The following BMPR1B variants were observed in gnomAD, a reference collection of about 807,000 sequenced individuals.
BMPR1B encodes bone morphogenetic protein receptor type-1B.
A neutral mutation model predicts 59.1 loss-of-function variants in BMPR1B; 12 were observed. The observed-to-expected ratio is 0.20, with a 90% confidence interval of 0.13 to 0.33. BMPR1B has a LOEUF of 0.33. Among genes scored for constraint, BMPR1B ranks in the 10% least tolerant of loss-of-function variants. The pLI, the probability that BMPR1B is intolerant of heterozygous loss-of-function variation, is 1.00. For missense variants in BMPR1B, 550 were observed against 610.9 expected, an observed-to-expected ratio of 0.90 and a Z score of 1.05; for synonymous variants, 237 against 207.3, an observed-to-expected ratio of 1.14 and a Z score of -1.23.
Position 95,105,398 on chromosome 4 carries a change from T to C in BMPR1B, c.143+831T>C, listed in dbSNP as rs113418392. Reference sequence around the variant, plus strand: ...TTAAATAGAAAGGTGGACTGCTAGGTTTAGAGCCCAGGTAGAATATCTGAG... The same window carrying C: ...TTAAATAGAAAGGTGGACTGCTAGGCTTAGAGCCCAGGTAGAATATCTGAG... On this transcript the variant is annotated intron_variant, in intron 4 of 12. Transcript: ENST00000515059. Among the ~76,000 whole-genome samples the C allele has an allele frequency of 1.2e-4, 18 of 152,036 alleles. 1 individual carries two copies. Among genetic ancestry groups the C allele is most frequent in the African/African-American group, 4.3e-4 (18 of 41,508 alleles).
At chr4:95,102,096 A>G (rs1161265187) in intron 3 of BMPR1B, among the ~76,000 whole-genome samples, 1 of 152,186 alleles carries the variant, frequency 6.6e-6, no homozygotes, top group Non-Finnish European at 1.5e-5. Flanking sequence ...CTAATCCTCT[A>G]GTGTTGTAAA....
intron 10 of BMPR1B, among the ~76,000 whole-genome samples, chr4:95,134,098 C>A (rs1733589793): frequency 6.6e-6 from 1 of 152,110 alleles, no homozygotes; most frequent in Non-Finnish European, 1.5e-5. Context: ...GTTCAATTCC[C>A]ACATATGAGT....
At chr4:95,141,982 G>A (rs1734262004) in intron 10 of BMPR1B, among the ~76,000 whole-genome samples, 1 of 152,046 alleles carries the variant, frequency 6.6e-6, no homozygotes, top group South Asian at 2.1e-4. Flanking sequence ...AAATTGATTT[G>A]GCTAAATGAC....
At chr4:95,117,270 C>T (rs1262410587) in intron 6 of BMPR1B, among the ~76,000 whole-genome samples, 1 of 152,144 alleles carries the variant, frequency 6.6e-6, no homozygotes, top group Non-Finnish European at 1.5e-5. Context: ...CTCACAGCAG[C>T]CCTGTGAAGT....
At chr4:95,134,837 C>CT (rs1250648470) in intron 10 of BMPR1B, among the ~76,000 whole-genome samples, 23 of 152,186 alleles carry the variant, frequency 1.5e-4, no homozygotes, top group Non-Finnish European at 2.8e-4. Context: ...ATGGTAGTTT[C>CT]TTTGCTGTGC....
intron 2 of BMPR1B, among the ~76,000 whole-genome samples, chr4:94,934,524 G>A (rs749481454): frequency 8.9e-5 from 12 of 134,414 alleles, no homozygotes; most frequent in South Asian, 2.6e-4. Flanking sequence ...ATAGTTAAGC[G>A]TTAGAAACTT....
At chr4:94,854,385 G>T (rs1376737806) in intron 1 of BMPR1B, among the ~76,000 whole-genome samples, 1 of 152,132 alleles carries the variant, frequency 6.6e-6, no homozygotes, top group Non-Finnish European at 1.5e-5. Flanking sequence ...GCACCACTAT[G>T]AACAGCATAT....
chr4:95,016,024 GACAA>G (rs758425802), intron 3 of BMPR1B, among the ~76,000 whole-genome samples: 49 of 152,296 alleles, frequency 3.2e-4, no homozygotes, highest in African/African-American at 1.2e-3. Flanking sequence ...ATGACAGACA[GACAA>G]ACTAACAATT....
chr4:95,104,472 G>A lies in BMPR1B; in HGVS notation c.48G>A (p.Glu16=). The part of the protein sequence containing the change: ...AGKLNVGTKK[E]DGESTAPTPR... ...AATTAAATGTGGGCACCAAGAAAGA[G>A]GATGGTGAGAGTACAGCCCCCACCC... The change falls in exon 4 of 13, where the codon GAG becomes GAA. Residue 16 remains glutamate, a synonymous_variant. Transcript: ENST00000515059. 4 of 1,613,442 alleles carry A rather than the reference G, an allele frequency of 2.5e-6. No homozygotes were observed. The highest frequency in any genetic ancestry group is 3.4e-6 in the Non-Finnish European group (4 of 1,179,640).
At chr4:94,995,348 A>G (rs1472197868) in intron 2 of BMPR1B, among the ~76,000 whole-genome samples, 1 of 150,820 alleles carries the variant, frequency 6.6e-6, no homozygotes, top group East Asian at 2.0e-4. Flanking sequence ...ATACTTTCCT[A>G]TACATTTCTG....
intron 1 of BMPR1B, among the ~76,000 whole-genome samples, chr4:94,847,447 A>T (rs1047964034): frequency 6.6e-6 from 1 of 152,216 alleles, no homozygotes; most frequent in African/African-American, 2.4e-5. Context: ...TTTACCCAAA[A>T]GAAAGGAAAT....
intron 11 of BMPR1B, among the ~76,000 whole-genome samples, chr4:95,149,298 A>G (rs1426854239): frequency 6.6e-6 from 1 of 151,556 alleles, no homozygotes; most frequent in East Asian, 1.9e-4. Context: ...CCCATCCCCA[A>G]CTCCATTCCC....
At chr4:94,997,117 A>G (rs1722113769) in intron 3 of BMPR1B, among the ~76,000 whole-genome samples, 1 of 152,198 alleles carries the variant, frequency 6.6e-6, no homozygotes, top group Non-Finnish European at 1.5e-5. Flanking sequence ...AGAGTTATCT[A>G]CTGACATAAT....
chr4:94,927,078 T>G (rs1383661515), intron 2 of BMPR1B, among the ~76,000 whole-genome samples: 1 of 152,186 alleles, frequency 6.6e-6, no homozygotes, highest in African/African-American at 2.4e-5. Context: ...TCAGATGATC[T>G]GGACACAACT....
rs536742557 is a variant in BMPR1B, at chr4:94,961,860, A to G, written c.-112-34180A>G. Among the ~76,000 whole-genome samples, 10 of 152,338 alleles carry G rather than the reference A, an allele frequency of 6.6e-5. No individual in the cohort carries two copies. The South Asian group carries it at 1.7e-3, about 25-fold the overall frequency. On this transcript the variant is annotated intron_variant, in intron 2 of 12. Coordinates refer to ENST00000515059, the MANE Select transcript of BMPR1B (RefSeq NM_001203.3). Reference sequence around the variant, plus strand: ...AAATATTTATGGGAGTACATGTGATAAAGCATATGATGTGTGATAACCAAA... The same window carrying G: ...AAATATTTATGGGAGTACATGTGATGAAGCATATGATGTGTGATAACCAAA...
chr4:94,839,988 T>C (rs1219371671), intron 1 of BMPR1B, among the ~76,000 whole-genome samples: 3 of 148,838 alleles, frequency 2.0e-5, no homozygotes, highest in Non-Finnish European at 3.0e-5. Context: ...ATTTGCTTGT[T>C]TGTAAAGTAT....
intron 3 of BMPR1B, among the ~76,000 whole-genome samples, chr4:95,031,664 G>C (rs1724865780): frequency 6.6e-6 from 1 of 152,066 alleles, no homozygotes; most frequent in South Asian, 2.1e-4. Context: ...ACTGCAACGT[G>C]GATCATGGGG....
chr4:95,104,803 C>A (rs1432849268), intron 4 of BMPR1B, among the ~76,000 whole-genome samples: 2 of 152,040 alleles, frequency 1.3e-5, no homozygotes, highest in African/African-American at 4.8e-5. Context: ...GAACACAGAC[C>A]TCAGATCCCA....
chr4:94,887,460 A>G (rs1727227762), intron 2 of BMPR1B, among the ~76,000 whole-genome samples: 2 of 150,938 alleles, frequency 1.3e-5, no homozygotes, highest in Admixed American at 6.6e-5. Flanking sequence ...CATTCTAAAC[A>G]TTTAAATATA....
Sources: gnomAD v4.1 joint callset for allele counts (sites outside exome capture counted in the v4.1 genomes callset) on GRCh38, gnomAD v4.1.1 for gene constraint, MANE v1.5 for transcripts, NCBI Gene and HGNC (gene_info 2026-07-23, HGNC 2026-07-21) for gene names.